Variants in VPS13D observed in about 807,000 individuals in gnomAD.
The protein encoded by VPS13D is intermembrane lipid transfer protein VPS13D.
VPS13D carries 187 observed loss-of-function variants against 461.9 expected under a neutral mutation model. That is an observed-to-expected ratio of 0.40 (90% CI 0.36 to 0.46). VPS13D has a LOEUF of 0.46. Ranked by LOEUF, VPS13D falls within the 20% of genes least tolerant of loss-of-function variation. The pLI, the probability that VPS13D is intolerant of heterozygous loss-of-function variation, is 0.60. For missense variants in VPS13D, 4,711 were observed against 5,364.9 expected, an observed-to-expected ratio of 0.88 and a Z score of 3.81; for synonymous variants, 1,951 against 1,986.3, an observed-to-expected ratio of 0.98 and a Z score of 0.47.
chr1:12,248,443 A>G (rs1159179251), intron 5 of VPS13D, among the ~76,000 whole-genome samples: 1 of 151,312 alleles, frequency 6.6e-6, no homozygotes, highest in Non-Finnish European at 1.5e-5. Flanking sequence ...CATGGGCTCA[A>G]ACAATCCTCC....
At chr1:12,309,553 TCAAGAC>T (rs1642673398) in intron 27 of VPS13D, among the ~76,000 whole-genome samples, 1 of 140,818 alleles carries the variant, frequency 7.1e-6, no homozygotes, top group African/African-American at 2.6e-5. Context: ...GTTCAGGAGT[TCAAGAC>T]CAGCCTGGCC....
chr1:12,432,371 G>A (rs1222451364), intron 65 of VPS13D, among the ~76,000 whole-genome samples: 1 of 149,040 alleles, frequency 6.7e-6, no homozygotes, highest in Non-Finnish European at 1.5e-5. Context: ...TCCGGCCTGG[G>A]CAACAAGAGC....
intron 54 of VPS13D, among the ~76,000 whole-genome samples, chr1:12,369,975 A>C (rs915931958): frequency 2.6e-5 from 4 of 152,130 alleles, no homozygotes; most frequent in Non-Finnish European, 5.9e-5. Context: ...TCTTTTTGCT[A>C]TTTATTAGTC....
chr1:12,510,519 C>CTGTGTG lies in VPS13D; in HGVS notation c.*1500_*1501insGTGTGT, dbSNP rs1205100539. On this transcript the variant is annotated 3_prime_UTR_variant, in exon 70 of 70. Coordinates refer to ENST00000620676, the MANE Select transcript of VPS13D (RefSeq NM_015378.4). The stretch of plus-strand genomic sequence containing the variant: ...TTCCTCTCCCACTTCCCCTCTGTGT[C>CTGTGTG]TGTGTCTGTGTGTGTGTGTGTGTGT... The CTGTGTG allele has an allele frequency of 1.4e-5, 2 of 145,692 alleles. No homozygotes were observed. Among genetic ancestry groups the CTGTGTG allele is most frequent in the South Asian group, 2.2e-4 (1 of 4,446 alleles). 9.0% of individuals were successfully genotyped at this position (145,692 alleles called of 1,614,324 possible).
chr1:12,437,311 C>A (rs142173844), intron 65 of VPS13D, among the ~76,000 whole-genome samples: 2 of 152,198 alleles, frequency 1.3e-5, no homozygotes, highest in East Asian at 3.9e-4. Flanking sequence ...AACTAAGGGT[C>A]CTTGTGAAAG....
intron 65 of VPS13D, among the ~76,000 whole-genome samples, chr1:12,440,433 G>T (rs1282421086): frequency 6.6e-6 from 1 of 152,182 alleles, no homozygotes; most frequent in Non-Finnish European, 1.5e-5. Flanking sequence ...TTAAGGTTGT[G>T]TAGATTAAGA....
At chr1:12,259,188 C>T (rs79457328) in intron 10 of VPS13D, among the ~76,000 whole-genome samples, 5,109 of 151,794 alleles carry the variant, frequency 0.034, 150 homozygotes, top group African/African-American at 0.07. Context: ...ACTACAGGCC[C>T]GCATCACAAC....
chr1:12,321,297 T>A lies in VPS13D; in HGVS notation c.7549-512T>A, dbSNP rs573894087. Among the ~76,000 whole-genome samples the A allele has an allele frequency of 3.9e-5, 6 of 152,338 alleles. No individual in the cohort carries two copies. The South Asian group carries it at 1.2e-3, about 32-fold the overall frequency. On this transcript the variant is annotated intron_variant, in intron 32 of 69. Coordinates refer to ENST00000620676, the MANE Select transcript of VPS13D (RefSeq NM_015378.4). Reference sequence around the variant, plus strand: ...TGTGAGGAGGGAAAATAATCATATATGATTTCTGATAGGTTATTTTGGTGT... The same window carrying A: ...TGTGAGGAGGGAAAATAATCATATAAGATTTCTGATAGGTTATTTTGGTGT...
At chr1:12,351,109 G>A (rs897590352) in intron 46 of VPS13D, among the ~76,000 whole-genome samples, 7 of 152,126 alleles carry the variant, frequency 4.6e-5, no homozygotes, top group East Asian at 1.9e-4. Context: ...TCTACCAGAC[G>A]TTTAAGGAGA....
At chr1:12,366,722 A>C (rs1422169292) in intron 52 of VPS13D, among the ~76,000 whole-genome samples, 1 of 152,232 alleles carries the variant, frequency 6.6e-6, no homozygotes, top group African/African-American at 2.4e-5. Flanking sequence ...ATTTGGAAAC[A>C]ATTTAAACTA....
intron 26 of VPS13D, among the ~76,000 whole-genome samples, chr1:12,308,151 C>T (rs1371747398): frequency 6.6e-6 from 1 of 152,144 alleles, no homozygotes; most frequent in Non-Finnish European, 1.5e-5. Context: ...GTTGTCACAG[C>T]ATGGGCATGA....
intron 6 of VPS13D, among the ~76,000 whole-genome samples, chr1:12,250,092 T>C (rs1001824015): frequency 4.6e-5 from 7 of 152,186 alleles, no homozygotes; most frequent in Non-Finnish European, 1.0e-4. Flanking sequence ...TTACTTACAT[T>C]TGCTGGTTTA....
chr1:12,465,670 G>T (rs574205535), intron 67 of VPS13D, among the ~76,000 whole-genome samples: 1 of 152,300 alleles, frequency 6.6e-6, no homozygotes, highest in African/African-American at 2.4e-5. Context: ...AATCTGTTAA[G>T]ACACTTCTCG....
chr1:12,280,301 C>A (rs538620373), intron 20 of VPS13D, among the ~76,000 whole-genome samples: 1 of 152,068 alleles, frequency 6.6e-6, no homozygotes, highest in African/African-American at 2.4e-5. Context: ...TGGAGTAACC[C>A]AGGAGTGCTG....
At chr1:12,494,375 A>T (rs912470766) in intron 67 of VPS13D, among the ~76,000 whole-genome samples, 2 of 152,218 alleles carry the variant, frequency 1.3e-5, no homozygotes, top group African/African-American at 4.8e-5. Flanking sequence ...AGGTTGGATC[A>T]CTGAAACCTG....
Position 12,327,760 on chromosome 1 carries a change from C to T in VPS13D, c.8103C>T (p.Ile2701=). The T allele has an allele frequency of 6.2e-7, 1 of 1,614,178 alleles. No homozygotes were observed. The highest frequency in any genetic ancestry group is 2.2e-5 in the East Asian group (1 of 44,886). ...DSPGAVAAPL[I]SGVEIKAESV... ...CAGGGGCTGTGGCAGCGCCATTGATCTCTGGCGTGGAGATCAAAGCTGAGA... is the reference window on the plus strand; with the variant it reads ...CAGGGGCTGTGGCAGCGCCATTGATTTCTGGCGTGGAGATCAAAGCTGAGA... The change falls in exon 36 of 70, where the codon ATC becomes ATT. Residue 2701 remains isoleucine, a synonymous_variant. Transcript: ENST00000620676.
At chr1:12,491,223 A>G (rs1213372649) in intron 67 of VPS13D, among the ~76,000 whole-genome samples, 1 of 152,240 alleles carries the variant, frequency 6.6e-6, no homozygotes, top group Non-Finnish European at 1.5e-5. Context: ...CTTAAGGAAG[A>G]TGGCAGCCAT....
intron 35 of VPS13D, 29 bp from the exon 36 acceptor site, chr1:12,327,619 G>GA (rs760360682): frequency 3.1e-6 from 5 of 1,612,040 alleles, no homozygotes; most frequent in Non-Finnish European, 4.2e-6. Context: ...GAAGCTGGTA[G>GA]AACTGATCAC....
At position 12,235,071 on chromosome 1, in the gene VPS13D, G is replaced by A. The variant is rs555563637; in HGVS notation, c.97+708G>A. Among the ~76,000 whole-genome samples, 150 of 152,288 alleles carry A rather than the reference G, an allele frequency of 9.8e-4. 7 individuals are homozygous for A. The South Asian group carries it at 0.03, about 30-fold the overall frequency. ...AAATTCTCTTTGCTCAGCTCAAAAT[G>A]GAGCTTTTTAACATACGTAGGGAAG... On this transcript the variant is annotated intron_variant, in intron 2 of 69. Coordinates refer to ENST00000620676, the MANE Select transcript of VPS13D (RefSeq NM_015378.4).
Sources: gnomAD v4.1 joint callset for allele counts (sites outside exome capture counted in the v4.1 genomes callset) on GRCh38, gnomAD v4.1.1 for gene constraint, MANE v1.5 for transcripts, NCBI Gene and HGNC (gene_info 2026-07-23, HGNC 2026-07-21) for gene names.